The following ZNF385D variants were observed in gnomAD, a reference collection of about 807,000 sequenced individuals.
ZNF385D encodes the protein zinc finger protein 385D, also known as zinc finger protein 659.
Under a neutral mutation model 35.8 loss-of-function variants are expected in ZNF385D, and 15 were observed. The ratio of observed to expected loss-of-function variants is 0.42; its 90% confidence interval spans 0.28 to 0.64. The LOEUF (loss-of-function observed/expected upper bound fraction) is 0.64, where lower values mean the gene tolerates loss of function less well. Ranked by LOEUF, ZNF385D falls within the 30% of genes least tolerant of loss-of-function variation. ZNF385D has a pLI of 0.23. For synonymous variants in ZNF385D, 212 were observed against 186.8 expected (o/e 1.13, Z -1.10); for missense variants, 474 against 494.6 (o/e 0.96, Z 0.39).
intron 3 of ZNF385D, among the ~76,000 whole-genome samples, chr3:22,145,010 ATG>A (rs36060381): frequency 0.34 from 50,652 of 148,870 alleles, 8,666 homozygotes; most frequent in South Asian, 0.41. Flanking sequence ...GAAGATACAT[ATG>A]TGTGTGTGTG....
At chr3:21,608,534 C>A (rs1479859017) in intron 2 of ZNF385D, among the ~76,000 whole-genome samples, 1 of 152,130 alleles carries the variant, frequency 6.6e-6, no homozygotes, top group Non-Finnish European at 1.5e-5. Flanking sequence ...CTTCTACTTC[C>A]TCTGCTGTAT....
intron 3 of ZNF385D, among the ~76,000 whole-genome samples, chr3:22,123,011 C>T (rs184711059): frequency 6.6e-6 from 1 of 152,214 alleles, no homozygotes; most frequent in East Asian, 1.9e-4. Flanking sequence ...ATTCCAAATG[C>T]AATGGGTTGT....
At chr3:21,684,573 T>TAAGTATTATA (rs1553637179) in intron 1 of ZNF385D, among the ~76,000 whole-genome samples, 2 of 152,004 alleles carry the variant, frequency 1.3e-5, no homozygotes, top group East Asian at 3.9e-4. Context: ...CCTCAATAGT[T>TAAGTATTATA]AAGTATTATA....
At chr3:21,660,819 A>G (rs535606304) in intron 2 of ZNF385D, among the ~76,000 whole-genome samples, 1 of 152,338 alleles carries the variant, frequency 6.6e-6, no homozygotes, top group East Asian at 1.9e-4. Flanking sequence ...TGTACAGGAC[A>G]CTGGGGCTCT....
At chr3:21,995,674 C>G (rs1695418934) in intron 3 of ZNF385D, among the ~76,000 whole-genome samples, 2 of 151,822 alleles carry the variant, frequency 1.3e-5, no homozygotes, top group Non-Finnish European at 1.5e-5. Context: ...ATGGCATTCT[C>G]AAGCAGTGGC....
chr3:21,807,169 T>G (rs1226640984), intron 3 of ZNF385D, among the ~76,000 whole-genome samples: 2 of 152,230 alleles, frequency 1.3e-5, no homozygotes, highest in Admixed American at 6.5e-5. Context: ...TAGCTAAAAT[T>G]AAGTTTAATA....
intron 3 of ZNF385D, among the ~76,000 whole-genome samples, chr3:21,947,262 TATAA>T (rs1701837222): frequency 6.6e-6 from 1 of 152,178 alleles, no homozygotes; most frequent in Admixed American, 6.5e-5. Context: ...GTTGCTTATA[TATAA>T]ATATTGGCAA....
intron 3 of ZNF385D, among the ~76,000 whole-genome samples, chr3:21,827,694 G>A (rs1694730801): frequency 6.6e-6 from 1 of 152,092 alleles, no homozygotes; most frequent in Admixed American, 6.5e-5. Context: ...AAGGAGTCTT[G>A]GAACGTGGAA....
chr3:22,267,183 A>G (rs1700939788), intron 2 of ZNF385D, among the ~76,000 whole-genome samples: 1 of 151,954 alleles, frequency 6.6e-6, no homozygotes, highest in African/African-American at 2.4e-5. Flanking sequence ...CATCTATGAG[A>G]AAGAGTATTT....
chr3:21,639,701 T>C (rs2065545764), intron 2 of ZNF385D, among the ~76,000 whole-genome samples: 1 of 152,070 alleles, frequency 6.6e-6, no homozygotes, highest in South Asian at 2.1e-4. Flanking sequence ...CTATGCATGA[T>C]AGTCTCATTT....
At chr3:21,435,522 G>C (rs1701507047) in intron 5 of ZNF385D, among the ~76,000 whole-genome samples, 1 of 152,032 alleles carries the variant, frequency 6.6e-6, no homozygotes, top group Middle Eastern at 3.4e-3. Flanking sequence ...TACCCCAGCT[G>C]CCAAAGTGTT....
rs567144220 is a variant in ZNF385D at position 21,945,294 on chromosome 3, A to C, written c.325+223523T>G. On this transcript the variant is annotated intron_variant, in intron 3 of 5. Transcript: ENST00000494108. ...GGGATAGAAAAATGATAACTGACTT[A>C]ATAGAGTTTGTGAATATTGTCTGGT... Among the ~76,000 whole-genome samples the C allele has an allele frequency of 8.5e-5, 13 of 152,214 alleles. No homozygotes were observed. In the South Asian group the frequency reaches 2.3e-3, roughly 27 times the overall value.
At chr3:21,654,098 T>TA (rs142205284) in intron 2 of ZNF385D, among the ~76,000 whole-genome samples, 27 of 149,294 alleles carry the variant, frequency 1.8e-4, no homozygotes, top group Admixed American at 4.0e-4. Context: ...ACCTTCCATT[T>TA]AAAAAAAAAA....
intron 3 of ZNF385D, among the ~76,000 whole-genome samples, chr3:22,152,452 T>C (rs1433391219): frequency 6.6e-6 from 1 of 152,158 alleles, no homozygotes; most frequent in Non-Finnish European, 1.5e-5. Flanking sequence ...AAGTCTGAAA[T>C]GGATTCTATG....
intron 2 of ZNF385D, among the ~76,000 whole-genome samples, chr3:22,282,021 A>C (rs191711961): frequency 6.6e-6 from 1 of 151,970 alleles, no homozygotes; most frequent in Non-Finnish European, 1.5e-5. Context: ...TAAGTTTTCT[A>C]GTTTATGCGT....
chr3:21,773,518 C>A (rs548635741), intron 3 of ZNF385D, among the ~76,000 whole-genome samples: 1 of 151,902 alleles, frequency 6.6e-6, no homozygotes, highest in East Asian at 1.9e-4. Flanking sequence ...GCAATCTATC[C>A]ATCTGACAAA....
At chr3:22,224,165 G>A (rs1395377006) in intron 2 of ZNF385D, among the ~76,000 whole-genome samples, 1 of 152,120 alleles carries the variant, frequency 6.6e-6, no homozygotes, top group African/African-American at 2.4e-5. Flanking sequence ...TTTGTAATGA[G>A]ATAATAAAAT....
At chr3:22,130,701 G>A (rs1336443366) in intron 3 of ZNF385D, among the ~76,000 whole-genome samples, 2 of 152,112 alleles carry the variant, frequency 1.3e-5, no homozygotes, top group Admixed American at 6.6e-5. Flanking sequence ...GAGGGGCGGT[G>A]TAGACAATTC....
intron 6 of ZNF385D, 96 bp from the exon 7 acceptor site, chr3:21,424,160 T>C: frequency 8.9e-7 from 1 of 1,120,664 alleles, no homozygotes; most frequent in Non-Finnish European, 1.2e-6. Context: ...ATTCATTATT[T>C]CATGCAAGTT....
Sources: gnomAD v4.1 joint callset for allele counts (sites outside exome capture counted in the v4.1 genomes callset) on GRCh38, gnomAD v4.1.1 for gene constraint, MANE v1.5 for transcripts, NCBI Gene and HGNC (gene_info 2026-07-23, HGNC 2026-07-21) for gene names.